Variants in DNAJB6 observed in about 807,000 individuals in gnomAD.
The protein encoded by DNAJB6 is DnaJ heat shock protein family (Hsp40) member B6.
DNAJB6 carries 16 observed loss-of-function variants against 42.7 expected under a neutral mutation model. The observed-to-expected ratio is 0.37, with a 90% CI of 0.25 to 0.57. DNAJB6 has a LOEUF of 0.57. Among genes scored for constraint, DNAJB6 ranks in the 20% least tolerant of loss-of-function variants. The pLI is 0.74. For missense variants in DNAJB6, 347 were observed against 416.8 expected, an observed-to-expected ratio of 0.83 and a Z score of 1.46; for synonymous variants, 170 against 163.5, an observed-to-expected ratio of 1.04 and a Z score of -0.30.
At chr7:157,405,969 G>A (rs1054619403) in intron 8 of DNAJB6, among the ~76,000 whole-genome samples, 2 of 152,266 alleles carry the variant, frequency 1.3e-5, no homozygotes, top group Non-Finnish European at 2.9e-5. Context: ...TGATGGCTTC[G>A]CCTGGCAGTG....
At chr7:157,363,641 C>T (rs1178212078) in intron 3 of DNAJB6, among the ~76,000 whole-genome samples, 1 of 152,150 alleles carries the variant, frequency 6.6e-6, no homozygotes, top group Admixed American at 6.6e-5. Context: ...CCCCCACTGG[C>T]TTAAACAATA....
At chr7:157,372,634 G>T (rs1461889706) in intron 5 of DNAJB6, among the ~76,000 whole-genome samples, 1 of 152,208 alleles carries the variant, frequency 6.6e-6, no homozygotes, top group African/African-American at 2.4e-5. Context: ...GGAGGTGGCA[G>T]CCCTGAAGCA....
At chr7:157,397,542 C>T (rs990776448) in intron 8 of DNAJB6, among the ~76,000 whole-genome samples, 6 of 152,224 alleles carry the variant, frequency 3.9e-5, no homozygotes, top group Non-Finnish European at 5.9e-5. Context: ...AGACTTTCCT[C>T]CTCATTGTCC....
At chr7:157,400,831 A>G (rs1584943368) in intron 8 of DNAJB6, among the ~76,000 whole-genome samples, 1 of 152,194 alleles carries the variant, frequency 6.6e-6, no homozygotes, top group South Asian at 2.1e-4. Flanking sequence ...AATCCTGCAG[A>G]GGGGCCTGGC....
At chr7:157,394,253 T>G (rs571930271) in intron 8 of DNAJB6, among the ~76,000 whole-genome samples, 1 of 152,352 alleles carries the variant, frequency 6.6e-6, no homozygotes, top group South Asian at 2.1e-4. Context: ...ATGACATCTA[T>G]TTTTTGGAAG....
chr7:157,403,299 C>T (rs548957346), intron 8 of DNAJB6, among the ~76,000 whole-genome samples: 33 of 152,184 alleles, frequency 2.2e-4, no homozygotes, highest in East Asian at 9.7e-4. Context: ...GCGTTTGTTT[C>T]GGGGGAGCAG....
chr7:157,402,792 C>G (rs190956112), intron 8 of DNAJB6, among the ~76,000 whole-genome samples: 1 of 152,326 alleles, frequency 6.6e-6, no homozygotes, highest in Admixed American at 6.5e-5. Flanking sequence ...TGCACTTTTC[C>G]AGGGCAGGGT....
At chr7:157,372,028 GTA>G (rs1800235249) in intron 5 of DNAJB6, 2 of 152,292 alleles carry the variant, frequency 1.3e-5, no homozygotes, top group Non-Finnish European at 2.9e-5. Flanking sequence ...GAGTCCTGTG[GTA>G]TGTAGAACCA....
At chr7:157,406,254 C>T (rs10227019) in intron 8 of DNAJB6, among the ~76,000 whole-genome samples, 6,608 of 152,322 alleles carry the variant, frequency 0.043, 526 homozygotes, top group African/African-American at 0.15. Flanking sequence ...CAGCACGCTG[C>T]GTGACTCCCC....
chr7:157,349,726 C>T (rs915777718), intron 1 of DNAJB6, among the ~76,000 whole-genome samples: 1 of 152,142 alleles, frequency 6.6e-6, no homozygotes, highest in African/African-American at 2.4e-5. Context: ...CTCACTGCAA[C>T]CTCCGCCTCC....
rs555127730 is a variant in DNAJB6, at chr7:157,382,041, A to T, written c.347-205A>T. The T allele has an allele frequency of 8.0e-4, 379 of 472,352 alleles. 2 individuals are homozygous for T. The highest frequency in any genetic ancestry group is 7.4e-4 in the Non-Finnish European group (201 of 271,062). The allele number at this position is 472,352 out of a possible 1,614,324, so 29.3% of individuals were successfully genotyped here. ...TAATTTATTTGATACAATGTATTGT[A>T]GTTTTAGTTGAATTAAACTAGTTAG... On this transcript the variant is annotated intron_variant, in intron 5 of 9. Transcript: ENST00000262177.
At chr7:157,390,324 C>G (rs565858463) in intron 8 of DNAJB6, among the ~76,000 whole-genome samples, 30 of 152,364 alleles carry the variant, frequency 2.0e-4, no homozygotes, top group Admixed American at 1.1e-3. Context: ...GGAGCCCTGA[C>G]TAGCAAACGT....
intron 1 of DNAJB6, among the ~76,000 whole-genome samples, chr7:157,357,504 T>G: frequency 6.6e-6 from 1 of 151,270 alleles, no homozygotes; most frequent in East Asian, 1.9e-4. Context: ...AGAGACAGGA[T>G]TTCACCATGT....
Position 157,338,036 on chromosome 7 carries a change from T to C in DNAJB6, c.-27+892T>C, listed in dbSNP as rs1262734742. Among the ~76,000 whole-genome samples, 6 of 152,344 alleles carry C rather than the reference T, an allele frequency of 3.9e-5. No individual in the cohort carries two copies. In the East Asian group the frequency reaches 1.2e-3, roughly 29 times the overall value. On this transcript the variant is annotated intron_variant, in intron 1 of 9. Coordinates refer to ENST00000262177, the MANE Select transcript of DNAJB6 (RefSeq NM_058246.4). ...TTCAGCCTGTTTGGGAAGAGTAGGCTGAGCGGCGCTCTTTGTAGTTTTCAA... is the reference window on the plus strand; with the variant it reads ...TTCAGCCTGTTTGGGAAGAGTAGGCCGAGCGGCGCTCTTTGTAGTTTTCAA...
At chr7:157,340,780 T>A (rs903126446) in intron 1 of DNAJB6, among the ~76,000 whole-genome samples, 1 of 152,074 alleles carries the variant, frequency 6.6e-6, no homozygotes, top group African/African-American at 2.4e-5. Context: ...GCCATTCTCC[T>A]GCTTCAGCCT....
At chr7:157,365,813 C>T (rs1428440024) in intron 3 of DNAJB6, among the ~76,000 whole-genome samples, 4 of 151,580 alleles carry the variant, frequency 2.6e-5, no homozygotes, top group African/African-American at 4.8e-5. Context: ...CACAGGCATG[C>T]GCCACCATGC....
At chr7:157,341,523 A>G (rs1395937159) in intron 1 of DNAJB6, among the ~76,000 whole-genome samples, 1 of 152,064 alleles carries the variant, frequency 6.6e-6, no homozygotes, top group East Asian at 1.9e-4. Context: ...ATATTTTTCT[A>G]CTTACCTTTT....
At chr7:157,402,677 C>T (rs1257640147) in intron 8 of DNAJB6, among the ~76,000 whole-genome samples, 1 of 152,176 alleles carries the variant, frequency 6.6e-6, no homozygotes, top group Admixed American at 6.5e-5. Flanking sequence ...GACGTAGGCC[C>T]CAGTCATCCC....
intron 1 of DNAJB6, among the ~76,000 whole-genome samples, chr7:157,351,410 A>T (rs1404330175): frequency 6.6e-6 from 1 of 151,598 alleles, no homozygotes. Context: ...GGGCGGATCT[A>T]CAAGGTCAGG....
Sources: allele counts gnomAD v4.1 joint callset (sites outside exome capture counted in the v4.1 genomes callset), GRCh38; gene constraint gnomAD v4.1.1; transcripts MANE v1.5; gene names NCBI Gene and HGNC (gene_info 2026-07-23, HGNC 2026-07-21).